The following FLT1 variants were observed in gnomAD, a reference collection of about 807,000 sequenced individuals.
FLT1 encodes vascular endothelial growth factor receptor 1.
FLT1 carries 49 observed loss-of-function variants against 156.3 expected under a neutral mutation model. The observed-to-expected ratio is 0.31, with a 90% CI of 0.25 to 0.40. The LOEUF (loss-of-function observed/expected upper bound fraction) is 0.40. FLT1 is among the 10% of genes least tolerant of loss of function. The pLI, the probability that FLT1 is intolerant of heterozygous loss-of-function variation, is 1.00. For missense variants in FLT1, 1,322 were observed against 1,637.2 expected (o/e 0.81, Z 3.32); for synonymous variants, 594 against 583.8 (o/e 1.02, Z -0.25).
chr13:28,443,813 G>A (rs1243072303), intron 3 of FLT1, among the ~76,000 whole-genome samples: 3 of 152,184 alleles, frequency 2.0e-5, no homozygotes, highest in African/African-American at 4.8e-5. Context: ...AAGAAAACAG[G>A]CAGGTTCTTC....
chr13:28,377,816 A>C (rs139291674), intron 14 of FLT1, among the ~76,000 whole-genome samples: 166 of 152,318 alleles, frequency 1.1e-3, no homozygotes, highest in Non-Finnish European at 2.0e-3. Flanking sequence ...TGTGTTTTTA[A>C]TATGCTTTAA....
intron 11 of FLT1, among the ~76,000 whole-genome samples, chr13:28,398,875 CTCTTTTGCAA>C (rs1875238038): frequency 1.3e-5 from 2 of 152,162 alleles, no homozygotes; most frequent in South Asian, 4.1e-4. Context: ...AAATTATTCT[CTCTTTTGCAA>C]GGAAAGCGCA....
intron 12 of FLT1, among the ~76,000 whole-genome samples, chr13:28,391,598 G>A (rs535902626): frequency 2.0e-5 from 3 of 152,240 alleles, no homozygotes; most frequent in South Asian, 4.1e-4. Flanking sequence ...TACCTCAATC[G>A]CCACCTTGGG....
rs535346257 is a variant in FLT1, at chr13:28,482,606, G to A, written c.64+12174C>T. ...TTTGTATTTAACATTATCCCAAAAT[G>A]GTGAATGAATTACTCCAGCAAGGCA... On this transcript the variant is annotated intron_variant, in intron 1 of 29. Transcript: ENST00000282397. Among the ~76,000 whole-genome samples, 60 of 152,260 alleles carry A rather than the reference G, an allele frequency of 3.9e-4. 1 individual carries two copies. The South Asian group carries it at 0.012, about 32-fold the overall frequency.
chr13:28,366,892 C>A (rs894170052), intron 14 of FLT1, among the ~76,000 whole-genome samples: 1 of 152,176 alleles, frequency 6.6e-6, no homozygotes, highest in African/African-American at 2.4e-5. Flanking sequence ...CTGCCCACTC[C>A]ACTGTGGGCT....
At chr13:28,466,425 A>C (rs1879850660) in intron 3 of FLT1, among the ~76,000 whole-genome samples, 2 of 152,188 alleles carry the variant, frequency 1.3e-5, no homozygotes, top group South Asian at 4.1e-4. Flanking sequence ...GAAATAATAC[A>C]ACATTGTCCA....
intron 10 of FLT1, among the ~76,000 whole-genome samples, chr13:28,412,372 C>CT (rs1276819706): frequency 5.3e-4 from 60 of 112,230 alleles, no homozygotes; most frequent in Non-Finnish European, 7.6e-4. Flanking sequence ...TTCTTTCTTT[C>CT]TTTCTTTCTT....
intron 18 of FLT1, among the ~76,000 whole-genome samples, chr13:28,329,949 T>TA (rs1424593219): frequency 1.3e-5 from 2 of 152,370 alleles, no homozygotes; most frequent in South Asian, 2.1e-4. Context: ...GTAGTGGGGT[T>TA]AGTCACTGGA....
chr13:28,322,655 T>G lies in FLT1; in HGVS notation c.2953+135A>C. 1 of 849,974 alleles carries G rather than the reference T, an allele frequency of 1.2e-6. No homozygotes were observed. Among genetic ancestry groups the G allele is most frequent in the Non-Finnish European group, 2.0e-6 (1 of 505,172 alleles). The allele number at this position is 849,974 out of a possible 1,614,324, so 52.7% of individuals were successfully genotyped here. ...CTGTAAATTATCTTAATTCAAATCT[T>G]ATCTCCTCAGGACATTACCATTCGA... is the stretch of plus-strand genomic sequence containing the variant. On this transcript the variant is annotated intron_variant, in intron 21 of 29. Transcript: ENST00000282397. This position sits in a 1 kb window ranked among gnomAD's most constrained non-coding sequence, Gnocchi z 4.3.
chr13:28,348,666 T>C (rs967812307), intron 15 of FLT1, among the ~76,000 whole-genome samples: 2 of 152,098 alleles, frequency 1.3e-5, no homozygotes, highest in Non-Finnish European at 2.9e-5. Flanking sequence ...TCCCAGCACT[T>C]TGGGAGCCCG....
At chr13:28,411,546 C>CAAAA (rs71086852) in intron 10 of FLT1, among the ~76,000 whole-genome samples, 2 of 84,740 alleles carry the variant, frequency 2.4e-5, no homozygotes, top group South Asian at 4.4e-4. Flanking sequence ...AACTCCATCT[C>CAAAA]AAAAAAAAAA....
At chr13:28,362,011 T>C (rs2137416721) in intron 14 of FLT1, among the ~76,000 whole-genome samples, 1 of 152,294 alleles carries the variant, frequency 6.6e-6, no homozygotes, top group Admixed American at 6.5e-5. Flanking sequence ...TGCTCATCAG[T>C]TGTAATTCAG....
chr13:28,339,334 A>G, intron 16 of FLT1, 34 bp from the exon 17 acceptor site: 1 of 1,608,262 alleles, frequency 6.2e-7, no homozygotes, highest in Non-Finnish European at 8.5e-7. Context: ...GTCATCGAGA[A>G]GAAAACAACT....
intron 15 of FLT1, among the ~76,000 whole-genome samples, chr13:28,355,214 C>T (rs147551740): frequency 9.1e-4 from 138 of 152,278 alleles, no homozygotes; most frequent in Middle Eastern, 3.4e-3. Context: ...AGTCATTGTG[C>T]GACTTTGGGC....
intron 26 of FLT1, 35 bp from the exon 27 acceptor site, chr13:28,311,767 AT>A: frequency 6.2e-7 from 1 of 1,611,014 alleles, no homozygotes; most frequent in Non-Finnish European, 8.5e-7. Flanking sequence ...CGTTGCACCA[AT>A]TCTGACTTCA....
chr13:28,346,372 A>G (rs1336477909), intron 15 of FLT1: 1 of 152,198 alleles, frequency 6.6e-6, no homozygotes, highest in Non-Finnish European at 1.5e-5. Context: ...GATTCTTGTG[A>G]GCAATTTCCC....
chr13:28,319,537 A>G lies in FLT1; in HGVS notation c.3175-3T>C. 3 of 1,592,502 alleles carry G rather than the reference A, an allele frequency of 1.9e-6. No individual in the cohort carries two copies. Among genetic ancestry groups the G allele is most frequent in the Non-Finnish European group, 2.6e-6 (3 of 1,160,858 alleles). ...ATCCATTTCAGAGGAAGTCGAGTCTAGAAGAGGGCAAGGGGGCCTTGAGCA... is the reference window on the plus strand; with the variant it reads ...ATCCATTTCAGAGGAAGTCGAGTCTGGAAGAGGGCAAGGGGGCCTTGAGCA... On this transcript the variant is annotated splice_polypyrimidine_tract_variant and splice_region_variant and intron_variant, in intron 23 of 29. Coordinates refer to ENST00000282397, the MANE Select transcript of FLT1 (RefSeq NM_002019.4).
intron 15 of FLT1, among the ~76,000 whole-genome samples, chr13:28,354,662 C>CT (rs937911790): frequency 3.9e-5 from 6 of 151,918 alleles, no homozygotes; most frequent in Non-Finnish European, 8.8e-5. Context: ...CAGCTAACTA[C>CT]TTTTTTTAAG....
chr13:28,427,354 A>G, intron 9 of FLT1, 36 bp from the exon 10 acceptor site: 1 of 1,606,314 alleles, frequency 6.2e-7, no homozygotes, highest in Non-Finnish European at 8.5e-7. Context: ...AGAAGTCAAG[A>G]GCAGTTCTAA....
Sources: gnomAD v4.1 joint callset for allele counts (sites outside exome capture counted in the v4.1 genomes callset) on GRCh38, gnomAD v4.1.1 for gene constraint, Gnocchi (gnomAD v3.1) non-coding constraint, MANE v1.5 for transcripts, NCBI Gene and HGNC (gene_info 2026-07-23, HGNC 2026-07-21) for gene names.